KCNIP4: variants seen among roughly 807,000 people sequenced by gnomAD.
KCNIP4 encodes the protein potassium voltage-gated channel interacting protein 4.
KCNIP4 carries 12 observed loss-of-function variants against 34.0 expected under a neutral mutation model. The ratio of observed to expected loss-of-function variants is 0.35; its 90% CI spans 0.23 to 0.57. The LOEUF (loss-of-function observed/expected upper bound fraction) is 0.57. Ranked by LOEUF, KCNIP4 falls within the 20% of genes least tolerant of loss-of-function variation. The pLI is 0.83. For synonymous variants in KCNIP4, 124 were observed against 102.2 expected (o/e 1.21, Z -1.29); for missense variants, 238 against 311.7 (o/e 0.76, Z 1.78).
intron 1 of KCNIP4, among the ~76,000 whole-genome samples, chr4:21,136,267 C>T (rs1751490909): frequency 2.0e-5 from 3 of 152,234 alleles, no homozygotes; most frequent in South Asian, 4.1e-4. Flanking sequence ...CTACTGTTCC[C>T]CACCTAATGA....
intron 1 of KCNIP4, among the ~76,000 whole-genome samples, chr4:21,909,886 C>G (rs1016163587): frequency 1.3e-5 from 2 of 151,982 alleles, no homozygotes; most frequent in Non-Finnish European, 2.9e-5. Flanking sequence ...TTATTCACTA[C>G]CACAAGGATA....
chr4:21,865,906 C>CAT lies in KCNIP4; in HGVS notation c.61+82663_61+82664dup, dbSNP rs201755851. The stretch of plus-strand genomic sequence containing the variant: ...AAGGTTTCAATCATACATTTGCCAC[C>CAT]ATATATATATATATGGTGTCTCATA... On this transcript the variant is annotated intron_variant, in intron 1 of 8. Coordinates refer to ENST00000382152, the MANE Select transcript of KCNIP4 (RefSeq NM_025221.6). Among the ~76,000 whole-genome samples, 165 of 133,830 alleles carry CAT rather than the reference C, an allele frequency of 1.2e-3. No individual in the cohort carries two copies. The East Asian group carries it at 0.016, about 13-fold the overall frequency. The allele number at this position is 133,830 out of a possible 152,430, so 87.8% of individuals were successfully genotyped here.
At chr4:20,899,722 G>A (rs1482403769) in intron 1 of KCNIP4, among the ~76,000 whole-genome samples, 1 of 152,198 alleles carries the variant, frequency 6.6e-6, no homozygotes, top group African/African-American at 2.4e-5. Flanking sequence ...TGAATGAATG[G>A]TGAGCTCTTT....
intron 1 of KCNIP4, among the ~76,000 whole-genome samples, chr4:21,442,874 T>C (rs148103794): frequency 8.5e-5 from 13 of 152,318 alleles, no homozygotes; most frequent in African/African-American, 2.4e-4. Flanking sequence ...TGTTCTTAAA[T>C]ATCTAATAGG....
chr4:21,460,080 A>C, intron 1 of KCNIP4, among the ~76,000 whole-genome samples: 1 of 150,578 alleles, frequency 6.6e-6, no homozygotes, highest in South Asian at 2.1e-4. Context: ...AAAACCTACA[A>C]GGCCTTGCAA....
intron 1 of KCNIP4, among the ~76,000 whole-genome samples, chr4:21,069,503 G>A (rs992755668): frequency 2.0e-5 from 3 of 152,188 alleles, no homozygotes; most frequent in African/African-American, 4.8e-5. Context: ...TGGGGCCAGT[G>A]TGTTGTCTTC....
At chr4:21,151,405 AATTTTTTTTTTT>A (rs1285624140) in intron 1 of KCNIP4, among the ~76,000 whole-genome samples, 1 of 93,518 alleles carries the variant, frequency 1.1e-5, no homozygotes, top group Non-Finnish European at 2.1e-5. Flanking sequence ...AACAAAAGAC[AATTTTTTTTTTT>A]TTTTTTTTTT....
Position 21,340,632 on chromosome 4 carries a change from C to A in KCNIP4, c.62-457923G>T, listed in dbSNP as rs563346425. On this transcript the variant is annotated intron_variant, in intron 1 of 8. Coordinates refer to ENST00000382152, the MANE Select transcript of KCNIP4 (RefSeq NM_025221.6). ...AACATTTCAGAATTCTGTCTGTAAT[C>A]ACTATATGCCCTGCTGATATGCAAC... Among the ~76,000 whole-genome samples the A allele has an allele frequency of 2.6e-5, 4 of 151,840 alleles. No homozygotes were observed. The South Asian group carries it at 8.3e-4, about 32-fold the overall frequency.
chr4:21,260,959 A>C (rs988317513), intron 1 of KCNIP4, among the ~76,000 whole-genome samples: 9 of 152,158 alleles, frequency 5.9e-5, no homozygotes, highest in Non-Finnish European at 1.3e-4. Flanking sequence ...ATTTTAGGCA[A>C]GGAGACGTTT....
rs145350546 is a variant in KCNIP4, at chr4:21,803,113, G to T, written c.61+145458C>A. Among the ~76,000 whole-genome samples the T allele has an allele frequency of 2.4e-3, 359 of 152,262 alleles. 1 individual carries two copies. Among genetic ancestry groups the T allele is most frequent in the African/African-American group, 8.3e-3 (343 of 41,554 alleles). ...CAGAAGACAGACAAAGTGAATTTTAGTTCCAGTATATAGCAGGTTTTTGAC... is the reference window on the plus strand; with the variant it reads ...CAGAAGACAGACAAAGTGAATTTTATTTCCAGTATATAGCAGGTTTTTGAC... On this transcript the variant is annotated intron_variant, in intron 1 of 8. Coordinates refer to ENST00000382152, the MANE Select transcript of KCNIP4 (RefSeq NM_025221.6).
intron 1 of KCNIP4, among the ~76,000 whole-genome samples, chr4:21,270,986 CA>C (rs370059673): frequency 1.4e-3 from 154 of 111,368 alleles, no homozygotes; most frequent in Admixed American, 1.6e-3. Context: ...TCCCTGTCCC[CA>C]AAAAAAAAAA....
chr4:20,860,156 T>A (rs2149493632), intron 2 of KCNIP4, among the ~76,000 whole-genome samples: 1 of 152,270 alleles, frequency 6.6e-6, no homozygotes, highest in Admixed American at 6.5e-5. Context: ...TTTCTTTTTT[T>A]GAGATGGAGT....
chr4:21,900,809 C>T (rs539547145), intron 1 of KCNIP4, among the ~76,000 whole-genome samples: 2 of 152,252 alleles, frequency 1.3e-5, no homozygotes, highest in East Asian at 3.9e-4. Flanking sequence ...TAAGTACATG[C>T]TTCAGATTCA....
At chr4:21,465,120 A>G (rs1297305182) in intron 1 of KCNIP4, among the ~76,000 whole-genome samples, 1 of 152,096 alleles carries the variant, frequency 6.6e-6, no homozygotes, top group Non-Finnish European at 1.5e-5. Flanking sequence ...GAAGAAGAAC[A>G]TTACTGCTTT....
chr4:21,625,845 T>G (rs917373198), intron 1 of KCNIP4, among the ~76,000 whole-genome samples: 2 of 152,144 alleles, frequency 1.3e-5, no homozygotes, highest in African/African-American at 4.8e-5. Flanking sequence ...CAAATACCAA[T>G]TTATAAAGCT....
chr4:21,138,861 T>C (rs937793229), intron 1 of KCNIP4, among the ~76,000 whole-genome samples: 3 of 152,234 alleles, frequency 2.0e-5, no homozygotes, highest in Non-Finnish European at 4.4e-5. Flanking sequence ...GCGGGCAGCC[T>C]GGAGAGGATG....
chr4:20,975,521 T>G (rs1326084652), intron 1 of KCNIP4, among the ~76,000 whole-genome samples: 1 of 152,072 alleles, frequency 6.6e-6, no homozygotes. Context: ...GGTCCAGCAG[T>G]GTGAAGTTAG....
intron 1 of KCNIP4, among the ~76,000 whole-genome samples, chr4:21,394,280 A>C (rs983727615): frequency 6.6e-6 from 1 of 152,168 alleles, no homozygotes; most frequent in Admixed American, 6.5e-5. Context: ...AGGCCACAGT[A>C]TCTACTATCC....
intron 1 of KCNIP4, among the ~76,000 whole-genome samples, chr4:21,683,614 G>A (rs941234428): frequency 8.6e-5 from 13 of 151,486 alleles, no homozygotes; most frequent in South Asian, 2.1e-4. Context: ...GACTACAGGC[G>A]CCCGCCACCA....
Sources: gnomAD v4.1 joint callset for allele counts (sites outside exome capture counted in the v4.1 genomes callset) on GRCh38, gnomAD v4.1.1 for gene constraint, MANE v1.5 for transcripts, NCBI Gene and HGNC (gene_info 2026-07-23, HGNC 2026-07-21) for gene names.